The following KIAA1328 variants were observed in gnomAD, a reference collection of about 807,000 sequenced individuals.
KIAA1328 encodes KIAA1328, also known as protein hinderin.
Under a neutral mutation model 68.1 loss-of-function variants are expected in KIAA1328, and 52 were observed. The observed-to-expected ratio is 0.76, with a 90% CI of 0.61 to 0.96. The LOEUF (loss-of-function observed/expected upper bound fraction) is 0.96, where lower values mean the gene tolerates loss of function less well. Among genes scored for constraint, KIAA1328 ranks in the 40% least tolerant of loss-of-function variants. The pLI is 0.00. For synonymous variants in KIAA1328, 232 were observed against 239.4 expected, an observed-to-expected ratio of 0.97 and a Z score of 0.28; for missense variants, 641 against 677.6, an observed-to-expected ratio of 0.95 and a Z score of 0.60.
intron 6 of KIAA1328, among the ~76,000 whole-genome samples, chr18:36,962,693 C>T (rs1204819929): frequency 6.6e-6 from 1 of 152,210 alleles, no homozygotes; most frequent in Non-Finnish European, 1.5e-5. Context: ...CTACATGGAA[C>T]TGAACAACCT....
chr18:37,003,405 T>C (rs567688118), intron 6 of KIAA1328, among the ~76,000 whole-genome samples: 10 of 152,158 alleles, frequency 6.6e-5, no homozygotes, highest in Non-Finnish European at 2.9e-5. Flanking sequence ...AGACAACCTG[T>C]TGAATGACAG....
intron 5 of KIAA1328, among the ~76,000 whole-genome samples, chr18:36,902,644 T>C (rs977091590): frequency 6.6e-6 from 1 of 152,106 alleles, no homozygotes; most frequent in African/African-American, 2.4e-5. Flanking sequence ...GTATTATCCA[T>C]AAGATATCAA....
chr18:36,980,130 A>G (rs1369524182), intron 6 of KIAA1328, among the ~76,000 whole-genome samples: 1 of 152,168 alleles, frequency 6.6e-6, no homozygotes, highest in Non-Finnish European at 1.5e-5. Context: ...GAAAACTTCC[A>G]TCTTGATCTT....
At chr18:37,084,469 G>GTT (rs1301934734) in intron 7 of KIAA1328, 11 of 151,874 alleles carry the variant, frequency 7.2e-5, no homozygotes, top group Non-Finnish European at 1.2e-4. Context: ...TTTCTTTTTT[G>GTT]TTTTTTGTTT....
intron 6 of KIAA1328, among the ~76,000 whole-genome samples, chr18:37,043,764 A>G (rs2055354321): frequency 6.6e-6 from 1 of 152,148 alleles, no homozygotes; most frequent in Non-Finnish European, 1.5e-5. Flanking sequence ...TTTAGTCTGT[A>G]CTGAATGTGC....
At chr18:36,834,252 A>G (rs776062555) in intron 1 of KIAA1328, 68 bp from the exon 2 acceptor site, 2 of 1,393,874 alleles carry the variant, frequency 1.4e-6, no homozygotes, top group Non-Finnish European at 1.9e-6. Context: ...TAAGAGGTAT[A>G]CAGAACAGAA....
At chr18:36,875,998 G>T (rs995777603) in intron 4 of KIAA1328, among the ~76,000 whole-genome samples, 29 of 152,028 alleles carry the variant, frequency 1.9e-4, no homozygotes. Flanking sequence ...AACCAGCCTT[G>T]CATCCCAGGG....
intron 6 of KIAA1328, among the ~76,000 whole-genome samples, chr18:36,976,456 G>A (rs1231106272): frequency 5.9e-5 from 9 of 152,062 alleles, no homozygotes; most frequent in East Asian, 3.9e-4. Context: ...AAATTATTGC[G>A]TTCCTGCTTT....
chr18:36,975,151 T>A (rs1336128379), intron 6 of KIAA1328, among the ~76,000 whole-genome samples: 4 of 151,594 alleles, frequency 2.6e-5, no homozygotes, highest in Non-Finnish European at 4.4e-5. Flanking sequence ...AAGTTATTGA[T>A]CCAAGGACCA....
At chr18:36,916,392 C>G (rs1350206405) in intron 5 of KIAA1328, among the ~76,000 whole-genome samples, 1 of 151,998 alleles carries the variant, frequency 6.6e-6, no homozygotes, top group African/African-American at 2.4e-5. Context: ...TTTTTCATTT[C>G]AGATATTGAA....
At chr18:36,873,003 C>G (rs2047998897) in intron 4 of KIAA1328, among the ~76,000 whole-genome samples, 1 of 152,106 alleles carries the variant, frequency 6.6e-6, no homozygotes, top group Non-Finnish European at 1.5e-5. Context: ...TTTCTGAGGT[C>G]TTAATGAAAG....
intron 5 of KIAA1328, among the ~76,000 whole-genome samples, chr18:36,891,410 C>A (rs954373247): frequency 6.6e-6 from 1 of 152,144 alleles, no homozygotes; most frequent in Non-Finnish European, 1.5e-5. Context: ...GTCACTGGAG[C>A]AGTGTACATT....
intron 4 of KIAA1328, 36 bp downstream of exon 4, chr18:36,844,338 C>A (rs2046957691): frequency 2.3e-6 from 3 of 1,327,480 alleles, no homozygotes; most frequent in Non-Finnish European, 2.1e-6. Flanking sequence ...ATTTATTATA[C>A]AAAAGACAAC....
At chr18:37,121,415 C>CA (rs1388749464) in intron 7 of KIAA1328, among the ~76,000 whole-genome samples, 22 of 126,258 alleles carry the variant, frequency 1.7e-4, no homozygotes, top group Middle Eastern at 4.1e-3. Context: ...CATTTTAGGA[C>CA]TTCTATCTAT....
rs191204053 is a variant in KIAA1328, at chr18:37,204,032, G to T, written c.1524-17985G>T. ...TCACCATGTTAGCCAGGATAGTCTC[G>T]ATCTCCTGACCTTGTGATCTGCCCG... On this transcript the variant is annotated intron_variant, in intron 9 of 9. Coordinates refer to ENST00000280020, the MANE Select transcript of KIAA1328 (RefSeq NM_020776.3). 2.6e-4 allele frequency among the ~76,000 whole-genome samples: 40 copies of T among 152,186 alleles called. 1 individual carries two copies. The highest frequency in any genetic ancestry group is 2.6e-3 in the Admixed American group (40 of 15,294).
chr18:37,197,140 C>T (rs968521164), intron 9 of KIAA1328, among the ~76,000 whole-genome samples: 2 of 151,856 alleles, frequency 1.3e-5, no homozygotes, highest in South Asian at 2.1e-4. Flanking sequence ...TTGGTTTTTT[C>T]CCCCAGAGCC....
chr18:37,173,329 T>C (rs951567327), intron 9 of KIAA1328, among the ~76,000 whole-genome samples: 10 of 152,174 alleles, frequency 6.6e-5, no homozygotes, highest in African/African-American at 2.4e-4. Flanking sequence ...AAACCTATCC[T>C]TCACCAGAAA....
At chr18:37,177,262 C>T (rs993655735) in intron 9 of KIAA1328, among the ~76,000 whole-genome samples, 2 of 152,062 alleles carry the variant, frequency 1.3e-5, no homozygotes, top group African/African-American at 4.8e-5. Context: ...TCTGAGATTG[C>T]TCAATGCAAC....
intron 7 of KIAA1328, among the ~76,000 whole-genome samples, chr18:37,133,741 G>A (rs919585483): frequency 1.6e-4 from 24 of 151,864 alleles, no homozygotes; most frequent in Non-Finnish European, 2.6e-4. Flanking sequence ...TAGCCAGGAT[G>A]GTCTCCATCC....
Sources: allele counts gnomAD v4.1 joint callset (sites outside exome capture counted in the v4.1 genomes callset), GRCh38; gene constraint gnomAD v4.1.1; transcripts MANE v1.5; gene names NCBI Gene and HGNC (gene_info 2026-07-23, HGNC 2026-07-21).